The following CELF2 variants were observed in gnomAD, a reference collection of about 807,000 sequenced individuals.
CELF2 encodes CUG triplet repeat RNA-binding protein 2.
Under a neutral mutation model 62.6 loss-of-function variants are expected in CELF2, and 8 were observed. The observed-to-expected ratio is 0.13, with a 90% CI of 0.07 to 0.23. The LOEUF (loss-of-function observed/expected upper bound fraction) is 0.23, where lower values mean the gene tolerates loss of function less well. Ranked by LOEUF, CELF2 falls within the 10% of genes least tolerant of loss-of-function variation. The pLI is 1.00. For missense variants in CELF2, 333 were observed against 671.0 expected (o/e 0.50, Z 5.56); for synonymous variants, 258 against 250.0 (o/e 1.03, Z -0.30).
In CELF2 at chr10:11,011,308, C is replaced by G. The variant is rs2056425379; in HGVS notation, c.53+5868C>G. 6.6e-6 allele frequency among the ~76,000 whole-genome samples: 1 copy of G among 151,708 alleles called. No individual in the cohort carries two copies. Among genetic ancestry groups the G allele is most frequent in the African/African-American group, 2.4e-5 (1 of 41,248 alleles). On this transcript the variant is annotated intron_variant, in intron 1 of 12. Transcript: ENST00000416382. This position sits in a 1 kb window ranked among gnomAD's most constrained non-coding sequence, Gnocchi z 4.6. ...CTGGGGCCTCAAGCAACTCACAGCA[C>G]TCATGGAACAAAGAGTAGACAGTGA...
intron 9 of CELF2, among the ~76,000 whole-genome samples, chr10:11,294,280 G>GC (rs1165426619): frequency 6.6e-6 from 1 of 152,192 alleles, no homozygotes; most frequent in African/African-American, 2.4e-5. Flanking sequence ...GTGCCCATTA[G>GC]CTCTGTGTGC....
intron 1 of CELF2, among the ~76,000 whole-genome samples, chr10:11,113,265 T>C (rs1315632516): frequency 2.0e-5 from 3 of 152,264 alleles, no homozygotes; most frequent in Non-Finnish European, 4.4e-5. Context: ...TTGTGTTTTA[T>C]TCACTGTTAA....
chr10:11,140,447 A>C (rs2061154909), intron 1 of CELF2, among the ~76,000 whole-genome samples: 3 of 151,878 alleles, frequency 2.0e-5, no homozygotes, highest in Admixed American at 1.3e-4. Context: ...ACTATCTGGT[A>C]TGCTTCTCTG....
At chr10:11,252,439 C>T (rs939290549) in intron 4 of CELF2, among the ~76,000 whole-genome samples, 28 of 152,196 alleles carry the variant, frequency 1.8e-4, no homozygotes, top group African/African-American at 6.3e-4. Context: ...ATTTCTAAAA[C>T]TTTGTATGTG....
the CELF2 span, among the ~76,000 whole-genome samples, chr10:10,640,165 C>A: frequency 6.6e-6 from 1 of 152,190 alleles, no homozygotes; most frequent in Non-Finnish European, 1.5e-5. Flanking sequence ...ATATATCTGT[C>A]TCACCAGTGA....
At chr10:11,132,604 T>C (rs2131891962) in intron 1 of CELF2, among the ~76,000 whole-genome samples, 1 of 152,288 alleles carries the variant, frequency 6.6e-6, no homozygotes, top group South Asian at 2.1e-4. Flanking sequence ...TTAGAAATTT[T>C]CAATTGCAGA....
chr10:10,657,125 T>A, the CELF2 span, among the ~76,000 whole-genome samples: 4 of 151,972 alleles, frequency 2.6e-5, no homozygotes, highest in African/African-American at 4.8e-5. Context: ...CCTGAAAAAA[T>A]TTGGTTAAGT....
In CELF2 at chr10:11,217,809, A is replaced by G. The variant is rs991630841; in HGVS notation, c.354+302A>G. Among the ~76,000 whole-genome samples, 29 of 152,226 alleles carry G rather than the reference A, an allele frequency of 1.9e-4. No homozygotes were observed. Among genetic ancestry groups the G allele is most frequent in the Admixed American group, 1.3e-4 (2 of 15,286 alleles). ...GGGTGGGCTAAGATTTTAAAAGGAA[A>G]AAAAAACCCAACACACACAAGAGAA... On this transcript the variant is annotated intron_variant, in intron 3 of 12. Transcript: ENST00000633077. The surrounding 1 kb of genome is among the most constrained non-coding windows in gnomAD (Gnocchi z 5.6).
the CELF2 span, among the ~76,000 whole-genome samples, chr10:10,662,490 C>T: frequency 1.2e-4 from 18 of 152,164 alleles, no homozygotes; most frequent in East Asian, 2.5e-3. Flanking sequence ...CCTGTAGTGG[C>T]TTCTCACCCT....
At position 10,890,824 on chromosome 10, in the gene CELF2, G is replaced by A. The variant is rs533005975; in HGVS notation, c.54-29140G>A. Among the ~76,000 whole-genome samples the A allele has an allele frequency of 3.3e-5, 5 of 152,330 alleles. No homozygotes were observed. In the South Asian group the frequency reaches 1.0e-3, roughly 32 times the overall value. On this transcript the variant is annotated intron_variant, in intron 1 of 13. Coordinates refer to the CELF2 transcript ENST00000636488. ...GAGGTGAGGAGTTCAAGACCAGCCT[G>A]ACCAACATGGTAAAACCCCTTTTCT...
intron 1 of CELF2, among the ~76,000 whole-genome samples, chr10:10,821,379 G>C (rs968297648): frequency 6.6e-6 from 1 of 152,230 alleles, no homozygotes; most frequent in African/African-American, 2.4e-5. Context: ...TTGGTTCTTG[G>C]CATGGAAAGG....
chr10:10,749,369 T>C, the CELF2 span, among the ~76,000 whole-genome samples: 2 of 152,208 alleles, frequency 1.3e-5, no homozygotes, highest in Non-Finnish European at 2.9e-5. Context: ...CTGAGGGTAC[T>C]AAGTGGCCTA....
chr10:10,699,141 G>A, the CELF2 span, among the ~76,000 whole-genome samples: 1 of 152,166 alleles, frequency 6.6e-6, no homozygotes, highest in East Asian at 1.9e-4. Context: ...AAGTAAAACA[G>A]TAGATGTAAA....
chr10:11,107,307 G>T (rs1203073028), intron 1 of CELF2, among the ~76,000 whole-genome samples: 3 of 152,148 alleles, frequency 2.0e-5, no homozygotes, highest in Non-Finnish European at 4.4e-5. Context: ...AAACTGGCCT[G>T]TGGGCCCCAA....
chr10:11,173,201 G>T (rs959307509), intron 2 of CELF2, among the ~76,000 whole-genome samples: 1 of 152,210 alleles, frequency 6.6e-6, no homozygotes, highest in East Asian at 1.9e-4. Context: ...TACCGTGGGG[G>T]CATTAGGCAA....
At chr10:11,120,701 CT>C (rs977547424) in intron 1 of CELF2, among the ~76,000 whole-genome samples, 5 of 152,182 alleles carry the variant, frequency 3.3e-5, no homozygotes, top group African/African-American at 9.6e-5. Context: ...CTAGGGAGTG[CT>C]TAATTTCTCC....
intron 1 of CELF2, among the ~76,000 whole-genome samples, chr10:10,799,719 C>T (rs2054465026): frequency 6.6e-6 from 1 of 151,930 alleles, no homozygotes; most frequent in Non-Finnish European, 1.5e-5. Context: ...CTCAGAGGCC[C>T]AGAAAAATTA....
chr10:11,130,992 A>C (rs571454010), intron 1 of CELF2, among the ~76,000 whole-genome samples: 1 of 152,390 alleles, frequency 6.6e-6, no homozygotes, highest in South Asian at 2.1e-4. Flanking sequence ...TCCAAGGTGA[A>C]TCCAGCATCC....
At position 10,969,424 on chromosome 10, in the gene CELF2, T is replaced by C. The variant is rs558358300; in HGVS notation, c.89+49425T>C. Among the ~76,000 whole-genome samples the C allele has an allele frequency of 7.9e-5, 12 of 152,330 alleles. 1 individual carries two copies. Among genetic ancestry groups the C allele is most frequent in the Admixed American group, 3.9e-4 (6 of 15,310 alleles). On this transcript the variant is annotated intron_variant, in intron 2 of 13. Transcript: ENST00000636488. ...TAGATGGAGAAGGCATATTTTATCATATGAAATGGAGACTTAGCCCTTAAG... is the reference window on the plus strand; with the variant it reads ...TAGATGGAGAAGGCATATTTTATCACATGAAATGGAGACTTAGCCCTTAAG...
Sources: allele counts gnomAD v4.1 joint callset (sites outside exome capture counted in the v4.1 genomes callset), GRCh38; gene constraint gnomAD v4.1.1; non-coding constraint Gnocchi (gnomAD v3.1); transcripts MANE v1.5; gene names NCBI Gene and HGNC (gene_info 2026-07-23, HGNC 2026-07-21).